VPS13A: variants seen among roughly 807,000 people sequenced by gnomAD.
VPS13A encodes the protein vacuolar protein sorting 13 homolog A, also known as intermembrane lipid transfer protein VPS13A.
Under a neutral mutation model 390.9 loss-of-function variants are expected in VPS13A, and 264 were observed. The observed-to-expected ratio is 0.68, with a 90% CI of 0.61 to 0.75. VPS13A has a LOEUF of 0.75. VPS13A is among the 30% of genes least tolerant of loss of function. VPS13A has a pLI of 0.00. For synonymous variants in VPS13A, 1,231 were observed against 1,227.1 expected (o/e 1.00, Z -0.07); for missense variants, 3,409 against 3,733.9 (o/e 0.91, Z 2.27).
rs115696645 is a variant in VPS13A at position 77,352,920 on chromosome 9, C to T, written c.7420-489C>T. On this transcript the variant is annotated intron_variant, in intron 53 of 71. Coordinates refer to ENST00000360280, the MANE Select transcript of VPS13A (RefSeq NM_033305.3). ...GACCCTCAAAACCCTGATATCAGCA[C>T]ATTTATGTGAGATTCCTGCAGAAAT... Among the ~76,000 whole-genome samples the T allele has an allele frequency of 3.6e-3, 540 of 152,096 alleles. 4 individuals carry two copies. The highest frequency in any genetic ancestry group is 0.012 in the African/African-American group (513 of 41,544).
chr9:77,289,355 A>G (rs75364445), intron 31 of VPS13A, among the ~76,000 whole-genome samples: 1 of 152,160 alleles, frequency 6.6e-6, no homozygotes, highest in Admixed American at 6.5e-5. Context: ...ATTGGATTGT[A>G]ATCTGATATC....
chr9:77,349,928 A>T (rs2131536793), intron 52 of VPS13A, among the ~76,000 whole-genome samples: 1 of 152,128 alleles, frequency 6.6e-6, no homozygotes, highest in Admixed American at 6.6e-5. Context: ...ACAGGCATGA[A>T]CCACCGCGCC....
At chr9:77,399,193 AAAAAAAAAAAAAC>A (rs796266083) in intron 68 of VPS13A, among the ~76,000 whole-genome samples, 4,848 of 143,822 alleles carry the variant, frequency 0.034, 190 homozygotes, top group African/African-American at 0.1. Context: ...AAAAAAAAAA[AAAAAAAAAAAAAC>A]AAAGGATACG....
At chr9:77,379,043 T>A (rs1196605775) in intron 67 of VPS13A, among the ~76,000 whole-genome samples, 1 of 150,278 alleles carries the variant, frequency 6.7e-6, no homozygotes, top group African/African-American at 2.4e-5. Context: ...TGGTCAGGTA[T>A]CATACTTGTA....
intron 54 of VPS13A, among the ~76,000 whole-genome samples, chr9:77,354,738 C>T (rs1341132532): frequency 6.6e-6 from 1 of 152,080 alleles, no homozygotes; most frequent in African/African-American, 2.4e-5. Flanking sequence ...CAGCTTACTA[C>T]CTTGCATTCC....
intron 70 of VPS13A, among the ~76,000 whole-genome samples, chr9:77,406,527 C>T: frequency 6.6e-6 from 1 of 152,166 alleles, no homozygotes; most frequent in East Asian, 1.9e-4. Flanking sequence ...AAGTGATTCT[C>T]CTGCCTCAGC....
chr9:77,277,385 A>C (rs1826745566), intron 26 of VPS13A, among the ~76,000 whole-genome samples: 1 of 152,176 alleles, frequency 6.6e-6, no homozygotes, highest in African/African-American at 2.4e-5. Flanking sequence ...AACATCCTCC[A>C]CTAGAGTGGT....
chr9:77,384,697 T>C, intron 68 of VPS13A: 1 of 1,589,936 alleles, frequency 6.3e-7, no homozygotes, highest in Non-Finnish European at 8.5e-7. Flanking sequence ...TCATATGTTC[T>C]TTATTTTACT....
chr9:77,274,565 A>G (rs796729582), intron 24 of VPS13A, among the ~76,000 whole-genome samples: 1 of 151,978 alleles, frequency 6.6e-6, no homozygotes, highest in East Asian at 1.9e-4. Context: ...AAATTTTGCT[A>G]TAGTATATTT....
intron 6 of VPS13A, 115 bp from the exon 7 acceptor site, chr9:77,210,501 T>G: frequency 1.0e-6 from 1 of 1,002,722 alleles, no homozygotes; most frequent in Non-Finnish European, 1.5e-6. Context: ...GCCTTGGCCT[T>G]CCAGAGTGCT....
chr9:77,252,087 T>A, intron 21 of VPS13A, 148 bp from the exon 22 acceptor site: 1 of 705,592 alleles, frequency 1.4e-6, no homozygotes, highest in Non-Finnish European at 2.5e-6. Flanking sequence ...ACCTACTGAT[T>A]GTATGTACCT....
At chr9:77,381,219 A>G (rs774396751) in intron 67 of VPS13A, among the ~76,000 whole-genome samples, 15 of 152,168 alleles carry the variant, frequency 9.9e-5, no homozygotes, top group South Asian at 8.3e-4. Flanking sequence ...GGCTCAAACT[A>G]TCCTCCCACC....
intron 23 of VPS13A, among the ~76,000 whole-genome samples, chr9:77,264,204 A>G (rs1196306138): frequency 6.6e-6 from 1 of 152,158 alleles, no homozygotes; most frequent in African/African-American, 2.4e-5. Flanking sequence ...GTAGGCTTGT[A>G]GTATAGTTTG....
At chr9:77,356,311 C>T (rs1831775921) in intron 54 of VPS13A, among the ~76,000 whole-genome samples, 1 of 152,132 alleles carries the variant, frequency 6.6e-6, no homozygotes, top group Admixed American at 6.5e-5. Context: ...CCCCCATTGA[C>T]CACTCTAATA....
rs1196598133 is a variant in VPS13A at position 77,220,370 on chromosome 9, C to T, written c.976C>T (p.His326Tyr). The T allele has an allele frequency of 6.2e-7, 1 of 1,608,490 alleles. No individual in the cohort carries two copies. ...KFKPDVPLHH[H>Y]AREWWAYAIH... is the part of the protein sequence containing the mutation. ...CAAACCTGATGTGCCTCTTCACCACCATGCCAGAGAATGGTAAATGCCTTG... is the reference window on the plus strand; with the variant it reads ...CAAACCTGATGTGCCTCTTCACCACTATGCCAGAGAATGGTAAATGCCTTG... The change falls in exon 12 of 72, where the codon CAT (histidine) becomes TAT (tyrosine). Residue 326 changes from histidine to tyrosine, a missense_variant. Around this residue, in one of 5 missense-constraint regions of VPS13A, gnomAD observed 2,717 missense variants for 2,917.4 expected, o/e 0.93. Transcript: ENST00000360280.
At chr9:77,395,134 T>C (rs969889341) in intron 68 of VPS13A, among the ~76,000 whole-genome samples, 1 of 152,234 alleles carries the variant, frequency 6.6e-6, no homozygotes, top group Non-Finnish European at 1.5e-5. Flanking sequence ...TCAGTCTAAC[T>C]CAGCTTTTGA....
chr9:77,211,243 C>T (rs1825958787), intron 7 of VPS13A: 1 of 152,022 alleles, frequency 6.6e-6, no homozygotes, highest in South Asian at 2.1e-4. Context: ...AGTTTGAATC[C>T]CTTTTGTTTT....
At chr9:77,245,200 G>T (rs970783589) in intron 19 of VPS13A, among the ~76,000 whole-genome samples, 3 of 152,178 alleles carry the variant, frequency 2.0e-5, no homozygotes, top group African/African-American at 7.2e-5. Flanking sequence ...ACAACTTAGA[G>T]AAATCATTGT....
At chr9:77,226,049 G>A in intron 14 of VPS13A, 61 bp downstream of exon 14, 1 of 1,450,244 alleles carries the variant, frequency 6.9e-7, no homozygotes, top group South Asian at 1.2e-5. Context: ...TATGACAGAT[G>A]TGATATTATT....
Sources: allele counts gnomAD v4.1 joint callset (sites outside exome capture counted in the v4.1 genomes callset), GRCh38; gene constraint gnomAD v4.1.1; regional missense constraint gnomAD v4.1.1; transcripts MANE v1.5; gene names NCBI Gene and HGNC (gene_info 2026-07-23, HGNC 2026-07-21).